The following CDC42BPA variants were observed in gnomAD, a reference collection of about 807,000 sequenced individuals.
The protein encoded by CDC42BPA is serine/threonine-protein kinase MRCK alpha.
In CDC42BPA, 80 loss-of-function variants were observed where a neutral mutation model predicts 223.5. The ratio of observed to expected loss-of-function variants is 0.36; its 90% CI spans 0.30 to 0.43. CDC42BPA has a LOEUF of 0.43. Ranked by LOEUF, CDC42BPA falls within the 20% of genes least tolerant of loss-of-function variation. CDC42BPA has a pLI of 1.00. For missense variants in CDC42BPA, 1,743 were observed against 2,099.9 expected (o/e 0.83, Z 3.32); for synonymous variants, 694 against 718.6 (o/e 0.97, Z 0.55).
intron 10 of CDC42BPA, among the ~76,000 whole-genome samples, chr1:227,139,346 A>G (rs1157445104): frequency 3.9e-5 from 6 of 152,136 alleles, no homozygotes; most frequent in Non-Finnish European, 7.4e-5. Context: ...ACATTTTTAT[A>G]AACATAAATA....
chr1:227,239,223 G>C (rs560892449), intron 2 of CDC42BPA, among the ~76,000 whole-genome samples: 1 of 152,274 alleles, frequency 6.6e-6, no homozygotes, highest in East Asian at 1.9e-4. Context: ...CAAAAGTATG[G>C]AGATTATAAA....
At chr1:227,195,322 T>A (rs1670487070) in intron 4 of CDC42BPA, among the ~76,000 whole-genome samples, 1 of 152,260 alleles carries the variant, frequency 6.6e-6, no homozygotes. Flanking sequence ...GCTTCCCAAG[T>A]AGCTGGGATT....
intron 34 of CDC42BPA, chr1:227,010,886 T>C: frequency 2.9e-6 from 4 of 1,362,224 alleles, no homozygotes; most frequent in Non-Finnish European, 3.9e-6. Context: ...ACCCTCAGAG[T>C]CATAAAGCTT....
At chr1:227,088,156 T>C (rs1288664321) in intron 16 of CDC42BPA, among the ~76,000 whole-genome samples, 1 of 152,210 alleles carries the variant, frequency 6.6e-6, no homozygotes. Flanking sequence ...TTCTTATTCT[T>C]GTGATTGGGA....
chr1:227,097,308 C>G (rs897564771), intron 15 of CDC42BPA, among the ~76,000 whole-genome samples: 1 of 136,654 alleles, frequency 7.3e-6, no homozygotes, highest in African/African-American at 2.7e-5. Context: ...TTGTTCTTAT[C>G]AAAGGCACCA....
intron 5 of CDC42BPA, chr1:227,183,542 T>C (rs1235641850): frequency 6.6e-6 from 1 of 152,254 alleles, no homozygotes; most frequent in Non-Finnish European, 1.5e-5. Context: ...TTCCTTTTTA[T>C]TGTTCAGTAG....
intron 6 of CDC42BPA, among the ~76,000 whole-genome samples, chr1:227,150,855 GA>G (rs1215614965): frequency 0.019 from 1,338 of 71,058 alleles, 17 homozygotes; most frequent in African/African-American, 0.057. Context: ...TTACCTCCCT[GA>G]AAAAAAAAAA....
intron 21 of CDC42BPA, chr1:227,068,731 A>G: frequency 1.1e-6 from 1 of 916,248 alleles, no homozygotes; most frequent in Non-Finnish European, 1.4e-6. Context: ...ATAAAAAAAT[A>G]GAAAATATGG....
chr1:227,315,955 CAA>C (rs71180728), intron 1 of CDC42BPA, among the ~76,000 whole-genome samples: 39 of 110,966 alleles, frequency 3.5e-4, no homozygotes, highest in South Asian at 5.5e-4. Context: ...ATTTCAAATC[CAA>C]AAAAAAAAAA....
At chr1:227,077,594 C>T (rs1366639622) in intron 17 of CDC42BPA, among the ~76,000 whole-genome samples, 1 of 152,104 alleles carries the variant, frequency 6.6e-6, no homozygotes, top group Non-Finnish European at 1.5e-5. Flanking sequence ...CTTCACTGGC[C>T]TTATTCACAA....
At chr1:227,094,965 T>C (rs1342998391) in intron 15 of CDC42BPA, among the ~76,000 whole-genome samples, 1 of 152,210 alleles carries the variant, frequency 6.6e-6, no homozygotes, top group East Asian at 1.9e-4. Flanking sequence ...AGAGGGCACA[T>C]TAGCATCCTG....
chr1:227,113,676 G>T (rs1279070419), intron 12 of CDC42BPA, among the ~76,000 whole-genome samples: 1 of 151,964 alleles, frequency 6.6e-6, no homozygotes, highest in African/African-American at 2.4e-5. Context: ...TATTAAAAAT[G>T]ACCAAGCAGA....
intron 5 of CDC42BPA, among the ~76,000 whole-genome samples, chr1:227,189,855 T>C (rs1490657849): frequency 6.6e-6 from 1 of 152,184 alleles, no homozygotes. Flanking sequence ...TCCCTTGTTG[T>C]ATTCTCCACA....
intron 4 of CDC42BPA, among the ~76,000 whole-genome samples, chr1:227,196,071 A>G (rs1293495011): frequency 6.6e-6 from 1 of 150,918 alleles, no homozygotes; most frequent in Non-Finnish European, 1.5e-5. Context: ...AAATTACTAA[A>G]AAGACCATGG....
intron 1 of CDC42BPA, among the ~76,000 whole-genome samples, chr1:227,271,966 T>C (rs1293990980): frequency 6.6e-6 from 1 of 152,148 alleles, no homozygotes; most frequent in East Asian, 1.9e-4. Context: ...AAAATAAATA[T>C]AGGTACTAAG....
intron 35 of CDC42BPA, among the ~76,000 whole-genome samples, chr1:226,998,760 A>G (rs530472393): frequency 6.6e-6 from 1 of 152,356 alleles, no homozygotes; most frequent in Admixed American, 6.5e-5. Flanking sequence ...CTACAACACC[A>G]AAAGCAATGG....
chr1:227,273,695 T>A lies in CDC42BPA; in HGVS notation c.179-19540A>T, dbSNP rs76251947. On this transcript the variant is annotated intron_variant, in intron 1 of 36. Transcript: ENST00000366766. ...ATTTTAACCTGCTAAAATATGTGGG[T>A]GGGACTGAGACAGGTAGCACATGTG... 5.6e-3 allele frequency among the ~76,000 whole-genome samples: 850 copies of A among 151,832 alleles called. 2 individuals carry two copies. The highest frequency in any genetic ancestry group is 0.01 in the Non-Finnish European group (708 of 67,920).
intron 2 of CDC42BPA, chr1:227,219,445 C>T (rs1010934822): frequency 1.3e-5 from 2 of 152,118 alleles, no homozygotes; most frequent in Admixed American, 6.5e-5. Flanking sequence ...GAAAACCCAG[C>T]GTTAAGTTAA....
intron 2 of CDC42BPA, among the ~76,000 whole-genome samples, chr1:227,249,051 G>C (rs1045784732): frequency 1.3e-5 from 2 of 152,164 alleles, no homozygotes; most frequent in African/African-American, 4.8e-5. Flanking sequence ...CAGAGCTACA[G>C]TAACCAAACT....
Sources: gnomAD v4.1 joint callset for allele counts (sites outside exome capture counted in the v4.1 genomes callset) on GRCh38, gnomAD v4.1.1 for gene constraint, MANE v1.5 for transcripts, NCBI Gene and HGNC (gene_info 2026-07-23, HGNC 2026-07-21) for gene names.